NRG3: variants seen among roughly 807,000 people sequenced by gnomAD.
The protein encoded by NRG3 is pro-neuregulin-3, membrane-bound isoform.
In NRG3, 31 loss-of-function variants were observed where a neutral mutation model predicts 66.9. That is an observed-to-expected ratio of 0.46 (90% CI 0.35 to 0.63). NRG3 has a LOEUF of 0.63. Ranked by LOEUF, NRG3 falls within the 20% of genes least tolerant of loss-of-function variation. The pLI is 0.00. For missense variants in NRG3, 910 were observed against 878.9 expected (o/e 1.04, Z -0.45); for synonymous variants, 393 against 359.4 (o/e 1.09, Z -1.06).
chr10:82,810,500 C>T (rs2061445981), intron 3 of NRG3, among the ~76,000 whole-genome samples: 1 of 152,030 alleles, frequency 6.6e-6, no homozygotes, highest in African/African-American at 2.4e-5. Context: ...CTGTGGCTCA[C>T]GCCTGTAATC....
chr10:82,882,589 ATGT>A (rs1459836524), intron 4 of NRG3, among the ~76,000 whole-genome samples: 1 of 152,164 alleles, frequency 6.6e-6, no homozygotes, highest in Non-Finnish European at 1.5e-5. Context: ...AATAAGGCAA[ATGT>A]TGTAAGTTCC....
At chr10:82,771,778 T>G (rs1288605318) in intron 3 of NRG3, among the ~76,000 whole-genome samples, 1 of 152,110 alleles carries the variant, frequency 6.6e-6, no homozygotes, top group Non-Finnish European at 1.5e-5. Flanking sequence ...CAATAGCACT[T>G]CAAGCAAACA....
chr10:82,500,429 G>T lies in NRG3; in HGVS notation c.953+141561G>T, dbSNP rs189195582. ...CAAACCTATCTCTTTAATATCCATGGGATCCGTCCATTTCTCTCCATGTTA... is the reference window on the plus strand; with the variant it reads ...CAAACCTATCTCTTTAATATCCATGTGATCCGTCCATTTCTCTCCATGTTA... On this transcript the variant is annotated intron_variant, in intron 2 of 8. Transcript: ENST00000372141. 2.0e-5 allele frequency among the ~76,000 whole-genome samples: 3 copies of T among 152,094 alleles called. No homozygotes were observed. The East Asian group carries it at 5.8e-4, about 29-fold the overall frequency.
At chr10:81,879,004 A>G (rs1841944322) in intron 1 of NRG3, among the ~76,000 whole-genome samples, 1 of 152,322 alleles carries the variant, frequency 6.6e-6, no homozygotes. Context: ...AGGCCCAGTT[A>G]GAGAACTGTT....
At position 81,921,114 on chromosome 10, in the gene NRG3, C is replaced by T. The variant is rs369919854; in HGVS notation, c.823+44951C>T. Among the ~76,000 whole-genome samples the T allele has an allele frequency of 1.9e-4, 29 of 151,550 alleles. 1 individual carries two copies. The highest frequency in any genetic ancestry group is 1.3e-3 in the Admixed American group (20 of 15,192). ...TGAAATGGGAATGTTTGAGAGTGCC[C>T]CTTCTTGGATTCTTAGCCAATACTG... On this transcript the variant is annotated intron_variant, in intron 1 of 8. Coordinates refer to ENST00000372141, the MANE Select transcript of NRG3 (RefSeq NM_001010848.4).
chr10:82,864,241 G>T (rs765695370), intron 3 of NRG3, among the ~76,000 whole-genome samples: 4 of 152,040 alleles, frequency 2.6e-5, no homozygotes, highest in Non-Finnish European at 5.9e-5. Context: ...AATTACTTTT[G>T]CACCAACTTA....
chr10:82,000,436 C>T (rs1213030621), intron 1 of NRG3, among the ~76,000 whole-genome samples: 1 of 151,636 alleles, frequency 6.6e-6, no homozygotes, highest in Non-Finnish European at 1.5e-5. Context: ...AGGTTTGTAG[C>T]GTAGATTAAT....
intron 1 of NRG3, among the ~76,000 whole-genome samples, chr10:82,041,944 C>G (rs966131438): frequency 6.6e-6 from 1 of 151,916 alleles, no homozygotes; most frequent in African/African-American, 2.4e-5. Flanking sequence ...ACACAAAACA[C>G]AAAACTACCC....
At chr10:82,824,627 T>C (rs2062104779) in intron 3 of NRG3, among the ~76,000 whole-genome samples, 1 of 152,200 alleles carries the variant, frequency 6.6e-6, no homozygotes, top group East Asian at 1.9e-4. Context: ...GCTAGTAATA[T>C]TGAGCATCTT....
chr10:82,489,496 C>A (rs1423634570), intron 2 of NRG3, among the ~76,000 whole-genome samples: 2 of 152,124 alleles, frequency 1.3e-5, no homozygotes, highest in Non-Finnish European at 2.9e-5. Flanking sequence ...AAGGCTGAGG[C>A]AGCAATGTCA....
chr10:82,076,525 A>G lies in NRG3; in HGVS notation c.823+200362A>G, dbSNP rs553746944. 1.1e-3 allele frequency among the ~76,000 whole-genome samples: 166 copies of G among 152,098 alleles called. 1 individual carries two copies. The highest frequency in any genetic ancestry group is 3.6e-3 in the African/African-American group (151 of 41,496). ...AATCTCATGTTGAAATGTTTCCCCA[A>G]TGTTGGAGGTGGGCCTAATGGGAGG... is the stretch of plus-strand genomic sequence containing the variant. On this transcript the variant is annotated intron_variant, in intron 1 of 8. Transcript: ENST00000372141.
chr10:82,825,089 T>C (rs1564538694), intron 3 of NRG3, among the ~76,000 whole-genome samples: 1 of 152,178 alleles, frequency 6.6e-6, no homozygotes, highest in African/African-American at 2.4e-5. Flanking sequence ...GTTACATGAT[T>C]TACAAATATT....
intron 1 of NRG3, among the ~76,000 whole-genome samples, chr10:82,342,289 G>T (rs1260591172): frequency 6.6e-6 from 1 of 151,976 alleles, no homozygotes; most frequent in African/African-American, 2.4e-5. Flanking sequence ...ATACTCAGAA[G>T]TGGGATTACT....
chr10:82,010,871 C>T (rs1467205402), intron 1 of NRG3, among the ~76,000 whole-genome samples: 1 of 152,144 alleles, frequency 6.6e-6, no homozygotes, highest in Non-Finnish European at 1.5e-5. Flanking sequence ...CACTGATGAA[C>T]AGAAGCCCCT....
intron 1 of NRG3, among the ~76,000 whole-genome samples, chr10:82,351,577 T>C (rs911158265): frequency 2.0e-5 from 3 of 152,156 alleles, no homozygotes; most frequent in African/African-American, 7.2e-5. Context: ...TCAGTTCTCT[T>C]TGAAGTTTAA....
At chr10:82,177,528 A>C (rs550853930) in intron 1 of NRG3, among the ~76,000 whole-genome samples, 4 of 152,208 alleles carry the variant, frequency 2.6e-5, no homozygotes, top group Non-Finnish European at 5.9e-5. Context: ...AGCATAATCC[A>C]ACTAAACCAG....
intron 1 of NRG3, among the ~76,000 whole-genome samples, chr10:82,094,519 A>G (rs187247159): frequency 6.6e-5 from 10 of 152,350 alleles, no homozygotes; most frequent in East Asian, 1.9e-4. Context: ...AGAAATTGCT[A>G]TATCAAAAAG....
intron 1 of NRG3, among the ~76,000 whole-genome samples, chr10:82,272,927 C>T (rs1323494723): frequency 1.3e-5 from 2 of 152,006 alleles, no homozygotes; most frequent in African/African-American, 2.4e-5. Flanking sequence ...GTTATTAATT[C>T]GTTCCAGTTC....
chr10:82,884,728 G>T (rs997111179), intron 4 of NRG3, among the ~76,000 whole-genome samples: 1 of 152,106 alleles, frequency 6.6e-6, no homozygotes, highest in East Asian at 1.9e-4. Context: ...TAGAGTTGTA[G>T]AACCAAATGG....
Sources: gnomAD v4.1 joint callset for allele counts (sites outside exome capture counted in the v4.1 genomes callset) on GRCh38, gnomAD v4.1.1 for gene constraint, MANE v1.5 for transcripts, NCBI Gene and HGNC (gene_info 2026-07-23, HGNC 2026-07-21) for gene names.